The following LANCL2 variants were observed in gnomAD, a reference collection of about 807,000 sequenced individuals.
LANCL2 encodes LanC like glutathione S-transferase 2, also known as lanC-like protein 2.
Under a neutral mutation model 56.9 loss-of-function variants are expected in LANCL2, and 33 were observed. The ratio of observed to expected loss-of-function variants is 0.58; its 90% CI spans 0.44 to 0.78. LANCL2 has a LOEUF of 0.78. LANCL2 is among the 30% of genes least tolerant of loss of function. The pLI, the probability that LANCL2 is intolerant of heterozygous loss-of-function variation, is 0.00. For missense variants in LANCL2, 562 were observed against 580.2 expected, an observed-to-expected ratio of 0.97 and a Z score of 0.32; for synonymous variants, 233 against 228.2, an observed-to-expected ratio of 1.02 and a Z score of -0.19.
At chr7:55,426,379 T>TG (rs1160083166) in intron 7 of LANCL2, among the ~76,000 whole-genome samples, 1 of 152,260 alleles carries the variant, frequency 6.6e-6, no homozygotes, top group Non-Finnish European at 1.5e-5. Flanking sequence ...CAAAATGTAG[T>TG]TGTGTGCACA....
intron 5 of LANCL2, 105 bp downstream of exon 5, chr7:55,401,425 T>G (rs1790323804): frequency 2.2e-6 from 2 of 929,724 alleles, no homozygotes; most frequent in Non-Finnish European, 3.2e-6. Context: ...TACCCTACTT[T>G]GAATCGCTGA....
chr7:55,383,036 C>T (rs913097805), intron 1 of LANCL2, among the ~76,000 whole-genome samples: 28 of 152,192 alleles, frequency 1.8e-4, no homozygotes, highest in African/African-American at 6.5e-4. Context: ...GTGGGTGGAT[C>T]ACTTGAGGTC....
intron 1 of LANCL2, among the ~76,000 whole-genome samples, chr7:55,375,504 T>G (rs1026908278): frequency 3.3e-5 from 5 of 152,196 alleles, no homozygotes; most frequent in Admixed American, 1.3e-4. Flanking sequence ...TCCTCCAGGG[T>G]CTTCCTCAGA....
At chr7:55,390,521 G>A (rs1341066488) in intron 1 of LANCL2, among the ~76,000 whole-genome samples, 2 of 152,054 alleles carry the variant, frequency 1.3e-5, no homozygotes, top group Admixed American at 6.6e-5. Flanking sequence ...CAGGAGAATC[G>A]CTTGAAGCCA....
At chr7:55,406,515 C>T (rs1054040792) in intron 5 of LANCL2, among the ~76,000 whole-genome samples, 1 of 152,170 alleles carries the variant, frequency 6.6e-6, no homozygotes, top group Non-Finnish European at 1.5e-5. Context: ...TGAGCCCCAC[C>T]TCTTAGCCTG....
intron 1 of LANCL2, among the ~76,000 whole-genome samples, chr7:55,371,908 A>C (rs1470186798): frequency 6.6e-6 from 1 of 151,638 alleles, no homozygotes; most frequent in African/African-American, 2.4e-5. Context: ...AATGAACTAA[A>C]TTGTGTGTGT....
chr7:55,405,466 A>G (rs1387760766), intron 5 of LANCL2, among the ~76,000 whole-genome samples: 3 of 151,824 alleles, frequency 2.0e-5, no homozygotes, highest in African/African-American at 7.3e-5. Context: ...TTCCCGGGAA[A>G]ATGTTTTAAC....
intron 5 of LANCL2, among the ~76,000 whole-genome samples, chr7:55,408,265 T>A (rs1377768085): frequency 1.3e-5 from 2 of 151,834 alleles, no homozygotes; most frequent in Non-Finnish European, 2.9e-5. Context: ...GAGGAAAACG[T>A]AAGAAAGAGG....
chr7:55,381,803 T>C (rs1189619982), intron 1 of LANCL2, among the ~76,000 whole-genome samples: 25 of 152,164 alleles, frequency 1.6e-4, no homozygotes, highest in Admixed American at 1.6e-3. Context: ...AGCTTATATC[T>C]CATCTTCAGC....
At chr7:55,367,115 A>G (rs184542009) in intron 1 of LANCL2, among the ~76,000 whole-genome samples, 323 of 152,334 alleles carry the variant, frequency 2.1e-3, no homozygotes, top group Non-Finnish European at 3.6e-3. Context: ...TGCCAGAGAC[A>G]TATTTTTGGG....
At chr7:55,399,936 T>A (rs749500256) in intron 3 of LANCL2, 21 bp from the exon 4 acceptor site, 11 of 1,596,720 alleles carry the variant, frequency 6.9e-6, no homozygotes, top group African/African-American at 1.3e-5. Context: ...TGGGAAAAAA[T>A]TAATTTTTCT....
chr7:55,391,999 T>TG, intron 2 of LANCL2, 89 bp downstream of exon 2: 1 of 818,628 alleles, frequency 1.2e-6, no homozygotes, highest in Non-Finnish European at 2.0e-6. Context: ...TCTTTTAAAA[T>TG]GGTAAAGATT....
intron 5 of LANCL2, among the ~76,000 whole-genome samples, chr7:55,402,117 G>T (rs1330030710): frequency 6.8e-6 from 1 of 148,110 alleles, no homozygotes; most frequent in Non-Finnish European, 1.5e-5. Flanking sequence ...AGTAGGGGCG[G>T]CCGGGCAGAG....
chr7:55,366,802 A>G (rs1017820356), intron 1 of LANCL2, among the ~76,000 whole-genome samples: 13 of 152,246 alleles, frequency 8.5e-5, no homozygotes, highest in Admixed American at 6.5e-5. Context: ...CATCTCTTGA[A>G]TATGTTTTAC....
At chr7:55,430,673 C>A (rs78731807) in intron 8 of LANCL2, among the ~76,000 whole-genome samples, 5,364 of 152,222 alleles carry the variant, frequency 0.035, 117 homozygotes, top group Middle Eastern at 0.058. Flanking sequence ...GAGGATTGTT[C>A]TGATTTGAGT....
chr7:55,379,318 G>A (rs1257864547), intron 1 of LANCL2, among the ~76,000 whole-genome samples: 2 of 152,186 alleles, frequency 1.3e-5, no homozygotes, highest in African/African-American at 2.4e-5. Context: ...CAGAAGGGGA[G>A]AAAAATTAGG....
intron 1 of LANCL2, among the ~76,000 whole-genome samples, chr7:55,386,406 G>A (rs1265718512): frequency 1.3e-5 from 2 of 152,152 alleles, no homozygotes; most frequent in Non-Finnish European, 2.9e-5. Context: ...GGCTTCAGCC[G>A]GTCCCTCTGT....
chr7:55,368,051 T>G (rs948049490), intron 1 of LANCL2, among the ~76,000 whole-genome samples: 6 of 152,216 alleles, frequency 3.9e-5, no homozygotes, highest in Non-Finnish European at 8.8e-5. Flanking sequence ...CCAGTGGCCA[T>G]CTCAGTACTA....
intron 5 of LANCL2, among the ~76,000 whole-genome samples, chr7:55,409,039 G>C (rs1026076402): frequency 2.3e-4 from 35 of 150,578 alleles, no homozygotes; most frequent in Non-Finnish European, 1.5e-5. Context: ...AAATGACATT[G>C]GACTTTGCAA....
Sources: allele counts gnomAD v4.1 joint callset (sites outside exome capture counted in the v4.1 genomes callset), GRCh38; gene constraint gnomAD v4.1.1; transcripts MANE v1.5; gene names NCBI Gene and HGNC (gene_info 2026-07-23, HGNC 2026-07-21).